Variants in SAGE1 observed in about 807,000 individuals in gnomAD.
SAGE1 encodes the protein sarcoma antigen 1.
SAGE1 carries 55 observed loss-of-function variants against 55.4 expected under a neutral mutation model. The observed-to-expected ratio is 0.99, with a 90% confidence interval of 0.80 to 1.24. The LOEUF is 1.24. Among genes scored for constraint, SAGE1 ranks in the 50% most tolerant of loss-of-function variants. SAGE1 has a pLI of 0.00. For synonymous variants in SAGE1, 240 were observed against 244.3 expected, an observed-to-expected ratio of 0.98 and a Z score of 0.17; for missense variants, 710 against 704.4, an observed-to-expected ratio of 1.01 and a Z score of -0.09.
In SAGE1 at chrX:135,912,407, G is replaced by T; in HGVS notation, c.2608G>T (p.Ala870Ser). Residue 870 changes from alanine to serine, a missense_variant, in exon 19 of 20, where the codon GCA becomes TCA. By Grantham distance (99) the Ala-to-Ser change is moderately conservative. Transcript: ENST00000370709. ...RQFVEFTIKEAARFKKVVLIQ... is the reference protein window; with the variant it reads ...RQFVEFTIKESARFKKVVLIQ... ...ATTTGTTGAATTTACCATCAAGGAA[G>T]CAGCAAGGTGAGTGCAAAAAGGAAC... 8.3e-7 allele frequency: 1 copy of T among 1,205,107 alleles called. No individual in the cohort carries two copies. The highest frequency in any genetic ancestry group is 1.7e-5 in the African/African-American group (1 of 57,552).
chrX:135,912,499 C>T lies in SAGE1; in HGVS notation c.2615+85C>T, dbSNP rs1352582733. On this transcript the variant is annotated intron_variant, in intron 19 of 19. Transcript: ENST00000370709. Reference sequence around the variant, plus strand: ...GGCAGGAAAAAATCATGGTTTGTTCCTCCTAATCCCTGGCCCTCAATCATA... The same window carrying T: ...GGCAGGAAAAAATCATGGTTTGTTCTTCCTAATCCCTGGCCCTCAATCATA... The T allele has an allele frequency of 1.2e-5, 14 of 1,176,231 alleles. No individual in the cohort carries two copies. The African/African-American group carries it at 2.0e-4, about 17-fold the overall frequency.
chrX:135,911,717 C>A lies in SAGE1; in HGVS notation c.2285C>A (p.Ser762Tyr), dbSNP rs1556606631. 1 of 1,208,595 alleles carries A rather than the reference C, an allele frequency of 8.3e-7. No individual in the cohort carries two copies. Among genetic ancestry groups the A allele is most frequent in the Non-Finnish European group, 1.1e-6 (1 of 893,840 alleles). ...GHCMPPNALDSFSHDFTSLSK... is the reference protein window; with the variant it reads ...GHCMPPNALDYFSHDFTSLSK... ...TGTATGCCACCCAATGCATTGGATT[C>A]TTTCTCTCACGACTTCACAAGTCTC... The change falls in exon 18 of 20, where the codon TCT (serine) becomes TAT (tyrosine). Residue 762 changes from serine to tyrosine, a missense_variant. Transcript: ENST00000370709.
chrX:135,900,818 AG>A (rs2088662696), intron 2 of SAGE1, among the ~76,000 whole-genome samples: 3 of 111,273 alleles, frequency 2.7e-5, no homozygotes, highest in African/African-American at 9.8e-5. Flanking sequence ...CATCTAATAA[AG>A]TATTAATGAT....
chrX:135,902,336 A>G (rs1452141131), intron 3 of SAGE1, among the ~76,000 whole-genome samples: 2 of 111,312 alleles, frequency 1.8e-5, no homozygotes, highest in Non-Finnish European at 3.8e-5. Context: ...ATACGACTAC[A>G]CTCGCGGTAT....
intron 3 of SAGE1, among the ~76,000 whole-genome samples, chrX:135,902,341 C>T (rs1569521086): frequency 8.9e-6 from 1 of 112,124 alleles, no homozygotes; most frequent in East Asian, 2.8e-4. Flanking sequence ...ACTACACTCG[C>T]GGTATCTTTA....
At chrX:135,898,171 C>T (rs2088616125) in intron 2 of SAGE1, among the ~76,000 whole-genome samples, 1 of 111,171 alleles carries the variant, frequency 9.0e-6, no homozygotes, top group African/African-American at 3.3e-5. Context: ...GCGCCCGCCA[C>T]CACACCTGGC....
rs192671265 is a variant in SAGE1 at position 135,898,975 on chromosome X, T to A, written c.88-2584T>A. Among the ~76,000 whole-genome samples, 290 of 112,554 alleles carry A rather than the reference T, an allele frequency of 2.6e-3. 1 individual carries two copies. Among genetic ancestry groups the A allele is most frequent in the African/African-American group, 8.5e-3 (264 of 31,008 alleles). ...TCACTCTGATGATAGTTTATTTTGC[T>A]ATGCATATGCTCTTTAGTTTAATTA... On this transcript the variant is annotated intron_variant, in intron 2 of 19. Transcript: ENST00000370709.
Position 135,906,029 on chromosome X carries a change from A to G in SAGE1, c.460A>G (p.Thr154Ala), listed in dbSNP as rs782740664. The change falls in exon 6 of 20, where the codon ACC becomes GCC. Residue 154 changes from threonine (T) to alanine (A), a missense_variant. Transcript: ENST00000370709. Reference sequence around the variant, plus strand: ...ACTCTTCATTTGGTTTCCAGATTCTACCGTCACTCACAATATCCGTGAAGA... The same window carrying G: ...ACTCTTCATTTGGTTTCCAGATTCTGCCGTCACTCACAATATCCGTGAAGA... ...PSMSTRDLHS[T>A]VTHNIREERM... 4 of 1,202,628 alleles carry G rather than the reference A, an allele frequency of 3.3e-6. No homozygotes were observed. Among genetic ancestry groups the G allele is most frequent in the African/African-American group, 1.8e-5 (1 of 56,703 alleles).
intron 13 of SAGE1, 68 bp from the exon 14 acceptor site, chrX:135,909,571 A>G: frequency 1.0e-6 from 1 of 1,001,469 alleles, no homozygotes; most frequent in Non-Finnish European, 1.4e-6. Flanking sequence ...TGAACATCAG[A>G]GGGATATACC....
chrX:135,895,094 C>T (rs1267887740), intron 1 of SAGE1, among the ~76,000 whole-genome samples: 6 of 111,111 alleles, frequency 5.4e-5, no homozygotes, highest in African/African-American at 2.0e-4. Context: ...TATAAGAGCA[C>T]CATGAGTTAG....
At chrX:135,905,140 A>G (rs1156406574) in intron 4 of SAGE1, 112 bp from the exon 5 acceptor site, 5 of 705,129 alleles carry the variant, frequency 7.1e-6, no homozygotes, top group African/African-American at 4.2e-5. Flanking sequence ...TATATGATGT[A>G]TTCTCCTGCA....
In SAGE1 at chrX:135,906,088, C is replaced by T. The variant is rs782466940; in HGVS notation, c.519C>T (p.Asn173=). Residue 173 remains asparagine, a synonymous_variant, in exon 6 of 20, where the codon AAC becomes AAT. Coordinates refer to ENST00000370709, the MANE Select transcript of SAGE1 (RefSeq NM_001381902.1). ...RMENGQPQPD[N]VLSTGPTGLI... ...AAAATGGCCAACCCCAACCTGATAA[C>T]GTCTTGTCAACTGGTCCCACAGGGC... 8.3e-7 allele frequency: 1 copy of T among 1,206,111 alleles called. No homozygotes were observed. Among genetic ancestry groups the T allele is most frequent in the Non-Finnish European group, 1.1e-6 (1 of 890,615 alleles).
At chrX:135,898,145 G>T (rs1199119999) in intron 2 of SAGE1, among the ~76,000 whole-genome samples, 1 of 111,482 alleles carries the variant, frequency 9.0e-6, no homozygotes, top group African/African-American at 3.3e-5. Context: ...AGCCTCCCGA[G>T]TAGCTGGTAC....
intron 2 of SAGE1, 124 bp from the exon 3 acceptor site, chrX:135,901,435 C>A (rs2088678917): frequency 1.4e-6 from 1 of 704,113 alleles, no homozygotes; most frequent in Non-Finnish European, 2.1e-6. Context: ...GATGAGAAAT[C>A]TTTGACCTGT....
At chrX:135,907,890 G>T in intron 10 of SAGE1, 49 bp downstream of exon 10, 2 of 1,149,278 alleles carry the variant, frequency 1.7e-6, no homozygotes, top group Non-Finnish European at 2.4e-6. Context: ...CCATATGCAT[G>T]CATATTGTCA....
rs374682876 is a variant in SAGE1 at position 135,908,070 on chromosome X, A to C, written c.1160-19A>C. 3.6e-5 allele frequency: 43 copies of C among 1,204,600 alleles called. 1 individual carries two copies. Among genetic ancestry groups the C allele is most frequent in the African/African-American group, 3.2e-4 (18 of 56,488 alleles). On this transcript the variant is annotated intron_variant, in intron 10 of 19. Coordinates refer to ENST00000370709, the MANE Select transcript of SAGE1 (RefSeq NM_001381902.1). ...TACTGCACTTACCTCACAGCTCATC[A>C]ACTACATTTGGTTTCCAGATGCTAC...
chrX:135,902,214 A>G (rs2088691418), intron 3 of SAGE1, among the ~76,000 whole-genome samples: 1 of 111,021 alleles, frequency 9.0e-6, no homozygotes, highest in South Asian at 3.8e-4. Flanking sequence ...TCTTCAGTAT[A>G]CTATCTATTT....
intron 19 of SAGE1, 89 bp downstream of exon 19, chrX:135,912,503 T>C: frequency 8.5e-7 from 1 of 1,178,988 alleles, no homozygotes; most frequent in Non-Finnish European, 1.1e-6. Flanking sequence ...TTGTTCCTCC[T>C]AATCCCTGGC....
chrX:135,904,604 T>C, intron 4 of SAGE1, 35 bp downstream of exon 4: 1 of 921,477 alleles, frequency 1.1e-6, no homozygotes, highest in Non-Finnish European at 1.6e-6. Flanking sequence ...CATCCATGAG[T>C]ATGAAATTCA....
Sources: gnomAD v4.1 joint callset for allele counts (sites outside exome capture counted in the v4.1 genomes callset) on GRCh38, gnomAD v4.1.1 for gene constraint, MANE v1.5 for transcripts, NCBI Gene and HGNC (gene_info 2026-07-23, HGNC 2026-07-21) for gene names.